Variants in GNG2 observed in about 807,000 individuals in gnomAD.
GNG2 encodes the protein G protein subunit gamma 2, also known as guanine nucleotide-binding protein G(I)/G(S)/G(O) subunit gamma-2.
In GNG2, 5 loss-of-function variants were observed where a neutral mutation model predicts 5.5. That is an observed-to-expected ratio of 0.91 (90% confidence interval 0.48 to 1.92). GNG2 has a LOEUF of 1.92. Ranked by LOEUF, GNG2 falls within the 30% of genes most tolerant of loss-of-function variation. GNG2 has a pLI of 0.01. For missense variants in GNG2, 55 were observed against 88.4 expected (o/e 0.62, Z 1.52); for synonymous variants, 28 against 32.0 (o/e 0.88, Z 0.42).
intron 2 of GNG2, among the ~76,000 whole-genome samples, chr14:51,900,158 T>C (rs1199637438): frequency 6.6e-6 from 1 of 152,172 alleles, no homozygotes; most frequent in African/African-American, 2.4e-5. Context: ...TTTCTCCATA[T>C]CCTCACCAGT....
intron 2 of GNG2, among the ~76,000 whole-genome samples, chr14:51,879,056 T>G (rs1289965140): frequency 2.0e-5 from 3 of 152,234 alleles, no homozygotes; most frequent in Non-Finnish European, 4.4e-5. Flanking sequence ...TTCCAGTCAT[T>G]GTGACATCCA....
At chr14:51,945,013 A>G (rs1888558669) in intron 2 of GNG2, among the ~76,000 whole-genome samples, 2 of 152,214 alleles carry the variant, frequency 1.3e-5, no homozygotes, top group Non-Finnish European at 2.9e-5. Context: ...AATGGCCAAT[A>G]AACACATGAA....
rs139947707 is a variant in GNG2, at chr14:51,923,402, A to G, written c.-29-27248A>G. On this transcript the variant is annotated intron_variant, in intron 2 of 3. Transcript: ENST00000556766. ...AGATTCACATTTTTTGAAACTGTGA[A>G]ATTGGATGGTTAGTGTTCACTTTTC... is the stretch of plus-strand genomic sequence containing the variant. Among the ~76,000 whole-genome samples, 740 of 152,240 alleles carry G rather than the reference A, an allele frequency of 4.9e-3. 2 individuals carry two copies. Among genetic ancestry groups the G allele is most frequent in the Middle Eastern group, 0.027 (8 of 294 alleles).
intron 2 of GNG2, among the ~76,000 whole-genome samples, chr14:51,914,727 G>T (rs1453908618): frequency 6.6e-6 from 1 of 152,178 alleles, no homozygotes; most frequent in Non-Finnish European, 1.5e-5. Context: ...TGATCCTCAT[G>T]GGCTATTAGC....
chr14:51,954,954 A>C (rs1444055663), intron 3 of GNG2, among the ~76,000 whole-genome samples: 1 of 152,188 alleles, frequency 6.6e-6, no homozygotes, highest in Non-Finnish European at 1.5e-5. Context: ...CATTATACAG[A>C]CATAGCCCCT....
At chr14:51,926,807 C>T (rs749292576) in intron 2 of GNG2, among the ~76,000 whole-genome samples, 2 of 152,142 alleles carry the variant, frequency 1.3e-5, no homozygotes, top group Non-Finnish European at 2.9e-5. Flanking sequence ...TCCTTCTCAC[C>T]CTTCAAAGTG....
chr14:51,837,642 G>C (rs948418238), intron 2 of GNG2, among the ~76,000 whole-genome samples: 1 of 105,802 alleles, frequency 9.5e-6, no homozygotes, highest in Non-Finnish European at 2.1e-5. Context: ...GTGAGACTCC[G>C]TTTCAAAAAA....
chr14:51,932,909 G>T (rs567623806), intron 2 of GNG2, among the ~76,000 whole-genome samples: 1 of 151,976 alleles, frequency 6.6e-6, no homozygotes, highest in Admixed American at 6.6e-5. Flanking sequence ...GGGTGGGGGC[G>T]CCTAAATCCA....
chr14:51,926,016 G>C (rs1290743333), intron 2 of GNG2, among the ~76,000 whole-genome samples: 5 of 151,682 alleles, frequency 3.3e-5, no homozygotes, highest in Admixed American at 1.3e-4. Flanking sequence ...TGTTTAATTT[G>C]TTTTCTTTTC....
At chr14:51,945,133 C>CAAACAAAAA (rs539974917) in intron 2 of GNG2, among the ~76,000 whole-genome samples, 2 of 150,238 alleles carry the variant, frequency 1.3e-5, no homozygotes, top group Non-Finnish European at 3.0e-5. Context: ...AACAAACAAA[C>CAAACAAAAA]AAAAAAAACG....
At chr14:51,828,248 C>T (rs560312671) in intron 2 of GNG2, among the ~76,000 whole-genome samples, 1 of 152,272 alleles carries the variant, frequency 6.6e-6, no homozygotes, top group Admixed American at 6.5e-5. Flanking sequence ...TCAAGGTGAA[C>T]AGGAGGTGGC....
In GNG2 at chr14:51,955,709, G is replaced by T. The variant is rs569824547; in HGVS notation, c.87+4944G>T. ...AAGTCAAATTAAATATTTTTTAAAA[G>T]GATGGAATTAGTCATTTTAAAGAAA... On this transcript the variant is annotated intron_variant, in intron 3 of 3. Coordinates refer to ENST00000556766, the MANE Select transcript of GNG2 (RefSeq NM_053064.5). Among the ~76,000 whole-genome samples the T allele has an allele frequency of 5.3e-5, 8 of 152,268 alleles. No homozygotes were observed. In the East Asian group the frequency reaches 1.3e-3, roughly 26 times the overall value.
chr14:51,881,074 G>A (rs1245646506), intron 2 of GNG2, among the ~76,000 whole-genome samples: 2 of 151,410 alleles, frequency 1.3e-5, no homozygotes, highest in Admixed American at 1.3e-4. Flanking sequence ...GTTACCAGCA[G>A]GCTCCTGCAC....
At chr14:51,859,914 CCTCA>C (rs1267856143), upstream of GNG2, among the ~76,000 whole-genome samples, 1 of 152,194 alleles carries the variant, frequency 6.6e-6, no homozygotes, top group African/African-American at 2.4e-5. Context: ...TGGGAATAGT[CCTCA>C]CTATTAGGCC....
At chr14:51,901,943 A>G (rs1449654347) in intron 2 of GNG2, among the ~76,000 whole-genome samples, 1 of 148,056 alleles carries the variant, frequency 6.8e-6, no homozygotes, top group East Asian at 2.0e-4. Context: ...TACATCAACT[A>G]AGATCACAAT....
intron 2 of GNG2, among the ~76,000 whole-genome samples, chr14:51,900,824 T>C (rs964755220): frequency 2.0e-5 from 3 of 152,104 alleles, no homozygotes; most frequent in African/African-American, 7.2e-5. Context: ...TCAACAGTCA[T>C]GATTGAATAA....
chr14:51,848,879 C>T (rs991895874), intron 2 of GNG2, among the ~76,000 whole-genome samples: 23 of 152,158 alleles, frequency 1.5e-4, no homozygotes, highest in African/African-American at 4.6e-4. Context: ...ACACTGACCT[C>T]ACTTTCTACC....
chr14:51,921,609 A>G (rs186341476), intron 2 of GNG2, among the ~76,000 whole-genome samples: 9 of 152,314 alleles, frequency 5.9e-5, no homozygotes, highest in East Asian at 3.9e-4. Flanking sequence ...CAGGTAATTA[A>G]GCCCCTGAGG....
Position 51,914,143 on chromosome 14 carries a change from G to A in GNG2, c.-30+36486G>A, listed in dbSNP as rs893616353. The A allele has an allele frequency of 1.2e-5, 8 of 671,762 alleles. No homozygotes were observed. In the African/African-American group the frequency reaches 1.4e-4, roughly 12 times the overall value. The allele number at this position is 671,762 out of a possible 1,614,324, so 41.6% of individuals were successfully genotyped here. A position where few individuals can be genotyped will look rare whatever the true frequency, so the allele number is the denominator to read the frequency against. On this transcript the variant is annotated intron_variant, in intron 2 of 3. Transcript: ENST00000556766. ...GAAATTGCAATCATCTTGTTTTTGG[G>A]GGAATGGAGTCATTCCATATTGGCT...
Sources: allele counts gnomAD v4.1 joint callset (sites outside exome capture counted in the v4.1 genomes callset), GRCh38; gene constraint gnomAD v4.1.1; transcripts MANE v1.5; gene names NCBI Gene and HGNC (gene_info 2026-07-23, HGNC 2026-07-21).